EDEM1: variants seen among roughly 807,000 people sequenced by gnomAD.
The protein encoded by EDEM1 is ER degradation-enhancing alpha-mannosidase-like protein 1.
A neutral mutation model predicts 74.4 loss-of-function variants in EDEM1; 67 were observed. The observed-to-expected ratio is 0.90, with a 90% confidence interval of 0.74 to 1.10. The LOEUF (loss-of-function observed/expected upper bound fraction) is 1.10, where lower values mean the gene tolerates loss of function less well. Ranked by LOEUF, EDEM1 falls within the 50% of genes least tolerant of loss-of-function variation. The pLI, the probability that EDEM1 is intolerant of heterozygous loss-of-function variation, is 0.00. For synonymous variants in EDEM1, 382 were observed against 335.9 expected, an observed-to-expected ratio of 1.14 and a Z score of -1.50; for missense variants, 926 against 851.6, an observed-to-expected ratio of 1.09 and a Z score of -1.09.
rs572012366 is a variant in EDEM1 at position 5,219,595 on chromosome 3, C to T, written c.*3677C>T. 6.6e-6 allele frequency: 1 copy of T among 152,360 alleles called. No homozygotes were observed. The highest frequency in any genetic ancestry group is 1.9e-4 in the East Asian group (1 of 5,184). 9.4% of individuals were successfully genotyped at this position (152,360 alleles called of 1,614,324 possible). A position where few individuals can be genotyped will look rare whatever the true frequency, so the allele number is the denominator to read the frequency against. ...TTCTATACCCTCTTCCTTCTTTCTG[C>T]AAGGCAGAGGAATAATATTTTTAAA... On this transcript the variant is annotated 3_prime_UTR_variant, in exon 12 of 12. Transcript: ENST00000256497.
At chr3:5,210,397 G>C (rs2055153511) in intron 9 of EDEM1, 149 bp downstream of exon 9, 2 of 742,072 alleles carry the variant, frequency 2.7e-6, no homozygotes, top group Non-Finnish European at 4.4e-6. Flanking sequence ...TTTTGGTGTA[G>C]TAGAACCTTT....
intron 1 of EDEM1, among the ~76,000 whole-genome samples, chr3:5,190,859 CT>C (rs538969058): frequency 6.6e-6 from 1 of 151,556 alleles, no homozygotes; most frequent in Admixed American, 6.6e-5. Flanking sequence ...TCAGGCTTTG[CT>C]TTTTTTTAAA....
In EDEM1 at chr3:5,188,172, C is replaced by T. The variant is rs1174143743; in HGVS notation, c.367C>T (p.Pro123Ser). ...EYEKRYSGAF[P>S]PQLRAQMRDL... ...CGAGAAGCGCTACAGCGGCGCCTTC[C>T]CTCCGCAGCTGCGTGCCCAGATGCG... The change falls in exon 1 of 12, where the codon CCT becomes TCT. Residue 123 changes from proline to serine, a missense_variant. Coordinates refer to ENST00000256497, the MANE Select transcript of EDEM1 (RefSeq NM_014674.3). The T allele has an allele frequency of 2.6e-6, 4 of 1,558,770 alleles. No individual in the cohort carries two copies. The highest frequency in any genetic ancestry group is 3.8e-5 in the Admixed American group (2 of 52,462).
chr3:5,194,084 TGTGCA>T (rs976539038), intron 1 of EDEM1, among the ~76,000 whole-genome samples: 1 of 152,210 alleles, frequency 6.6e-6, no homozygotes, highest in Non-Finnish European at 1.5e-5. Flanking sequence ...CGAGAGGTGC[TGTGCA>T]CCAGAAGCTT....
At chr3:5,196,179 G>A (rs535090917) in intron 2 of EDEM1, among the ~76,000 whole-genome samples, 141 of 152,268 alleles carry the variant, frequency 9.3e-4, no homozygotes, top group African/African-American at 2.6e-3. Flanking sequence ...AATTGGGGCC[G>A]GGCGCAGTGG....
rs2055230600 is a variant in EDEM1, at chr3:5,216,022, A to G, written c.*104A>G. The G allele has an allele frequency of 3.6e-5, 33 of 927,664 alleles. No individual in the cohort carries two copies. The Middle Eastern group carries it at 1.7e-3, about 48-fold the overall frequency. 57.5% of individuals were successfully genotyped at this position (927,664 alleles called of 1,614,324 possible). The stretch of plus-strand genomic sequence containing the variant: ...AAAGGGGACAGAAGTCTTGCTGTCC[A>G]TGGTGGTGTAGGAATTTCTGTGCAA... On this transcript the variant is annotated 3_prime_UTR_variant, in exon 12 of 12. Coordinates refer to ENST00000256497, the MANE Select transcript of EDEM1 (RefSeq NM_014674.3).
intron 10 of EDEM1, among the ~76,000 whole-genome samples, chr3:5,212,139 A>T (rs552576457): frequency 3.0e-4 from 46 of 152,322 alleles, no homozygotes; most frequent in Admixed American, 2.5e-3. Context: ...GAATCTTCAG[A>T]ATAAGCGGGC....
chr3:5,195,128 T>C (rs1296194385), intron 1 of EDEM1, 81 bp from the exon 2 acceptor site: 7 of 732,642 alleles, frequency 9.6e-6, no homozygotes, highest in East Asian at 9.2e-5. Context: ...CTGGCAATTA[T>C]AGTTTCTGAT....
Position 5,188,298 on chromosome 3 carries a change from C to G in EDEM1, c.493C>G (p.Pro165Ala). 1 of 1,524,428 alleles carries G rather than the reference C, an allele frequency of 6.6e-7. No homozygotes were observed. Among genetic ancestry groups the G allele is most frequent in the Non-Finnish European group, 8.8e-7 (1 of 1,133,546 alleles). 94.4% of individuals were successfully genotyped at this position (1,524,428 alleles called of 1,614,324 possible). The change falls in exon 1 of 12, where the codon CCC (proline) becomes GCC (alanine). Residue 165 changes from proline to alanine, a missense_variant. By Grantham distance (27) the Pro-to-Ala change is conservative. Transcript: ENST00000256497. ...LNPIHCRGRG[P>A]DRGDPSNLNI... ...CCCCATCCACTGCCGCGGCCGTGGG[C>G]CCGACCGCGGGGACCCGTGAGTAGC...
At chr3:5,197,626 C>T (rs991224523) in intron 2 of EDEM1, among the ~76,000 whole-genome samples, 6 of 152,160 alleles carry the variant, frequency 3.9e-5, no homozygotes, top group Non-Finnish European at 8.8e-5. Flanking sequence ...GTAGAATATC[C>T]GGCCTTTAGT....
intron 1 of EDEM1, among the ~76,000 whole-genome samples, chr3:5,192,757 C>T (rs1043791142): frequency 1.3e-5 from 2 of 151,868 alleles, no homozygotes; most frequent in Non-Finnish European, 2.9e-5. Context: ...CTTCCTTCAT[C>T]CTCACTCCCA....
chr3:5,190,148 A>G (rs1481806494), intron 1 of EDEM1, among the ~76,000 whole-genome samples: 2 of 152,208 alleles, frequency 1.3e-5, no homozygotes, highest in African/African-American at 4.8e-5. Context: ...TATTTTTGCC[A>G]CTAGTTCCTA....
chr3:5,208,059 T>A, intron 7 of EDEM1, 34 bp from the exon 8 acceptor site: 1 of 1,554,594 alleles, frequency 6.4e-7, no homozygotes, highest in Non-Finnish European at 8.7e-7. Context: ...CTAGGAATGG[T>A]ATCTCAGCCT....
At chr3:5,207,896 C>T (rs973105858) in intron 7 of EDEM1, among the ~76,000 whole-genome samples, 197 bp from the exon 8 acceptor site, 3 of 152,226 alleles carry the variant, frequency 2.0e-5, no homozygotes, top group Admixed American at 6.5e-5. Context: ...CAGCTCACAT[C>T]AATTTGGCAT....
In EDEM1 at chr3:5,217,393, G is replaced by C. The variant is rs575814768; in HGVS notation, c.*1475G>C. Reference sequence around the variant, plus strand: ...TCCCTAAAACTTCCAGCCTCACATAGCACGGTTCTCACCTGTCACTGTTTT... The same window carrying C: ...TCCCTAAAACTTCCAGCCTCACATACCACGGTTCTCACCTGTCACTGTTTT... On this transcript the variant is annotated 3_prime_UTR_variant, in exon 12 of 12. Coordinates refer to ENST00000256497, the MANE Select transcript of EDEM1 (RefSeq NM_014674.3). 3 of 152,714 alleles carry C rather than the reference G, an allele frequency of 2.0e-5. No homozygotes were observed. The highest frequency in any genetic ancestry group is 2.0e-4 in the Admixed American group (3 of 15,296). 9.5% of individuals were successfully genotyped at this position (152,714 alleles called of 1,614,324 possible).
At chr3:5,215,303 G>C (rs905596192) in intron 11 of EDEM1, among the ~76,000 whole-genome samples, 11 of 150,742 alleles carry the variant, frequency 7.3e-5, no homozygotes, top group African/African-American at 2.7e-4. Flanking sequence ...GGGGTGGGGG[G>C]GTTTTAATTA....
intron 1 of EDEM1, among the ~76,000 whole-genome samples, chr3:5,188,655 C>G (rs1419049047): frequency 6.6e-6 from 1 of 152,222 alleles, no homozygotes; most frequent in African/African-American, 2.4e-5. Context: ...CACTTCCATC[C>G]GACCCCTTCC....
rs572616276 is a variant in EDEM1, at chr3:5,206,303, G to A, written c.1218-850G>A. On this transcript the variant is annotated intron_variant, in intron 6 of 11. Transcript: ENST00000256497. ...GCTCACTGCAACCTCTGCCTCCTGC[G>A]TTCAAGCGATTCTCCTGCCTCAGCC... is the stretch of plus-strand genomic sequence containing the variant. 5.5e-4 allele frequency among the ~76,000 whole-genome samples: 83 copies of A among 151,590 alleles called. 1 individual carries two copies. The highest frequency in any genetic ancestry group is 1.8e-3 in the African/African-American group (74 of 41,284).
At chr3:5,196,961 G>C (rs1217265887) in intron 2 of EDEM1, among the ~76,000 whole-genome samples, 1 of 145,436 alleles carries the variant, frequency 6.9e-6, no homozygotes, top group Non-Finnish European at 1.5e-5. Context: ...AGAGAGTCTC[G>C]CTCTGCCGCC....
Sources: gnomAD v4.1 joint callset for allele counts (sites outside exome capture counted in the v4.1 genomes callset) on GRCh38, gnomAD v4.1.1 for gene constraint, MANE v1.5 for transcripts, NCBI Gene and HGNC (gene_info 2026-07-23, HGNC 2026-07-21) for gene names.